Variants in ARHGAP22 observed in about 807,000 individuals in gnomAD.
ARHGAP22 encodes the protein Rho GTPase activating protein 22.
In ARHGAP22, 48 loss-of-function variants were observed where a neutral mutation model predicts 59.1. That is an observed-to-expected ratio of 0.81 (90% confidence interval 0.64 to 1.03). The LOEUF (loss-of-function observed/expected upper bound fraction) is 1.03. Ranked by LOEUF, ARHGAP22 falls within the 50% of genes least tolerant of loss-of-function variation. The probability of loss-of-function intolerance (pLI) is 0.00; values close to 1 mark genes in which losing one functional copy is unlikely to be tolerated. For synonymous variants in ARHGAP22, 445 were observed against 416.4 expected (o/e 1.07, Z -0.84); for missense variants, 1,015 against 958.7 (o/e 1.06, Z -0.78).
At chr10:48,526,026 A>C (rs2054292099) in intron 3 of ARHGAP22, among the ~76,000 whole-genome samples, 2 of 152,174 alleles carry the variant, frequency 1.3e-5, no homozygotes, top group African/African-American at 4.8e-5. Flanking sequence ...GTCACCCCCC[A>C]GTTCCTAGGA....
At chr10:48,647,178 A>C (rs116872985) in intron 1 of ARHGAP22, among the ~76,000 whole-genome samples, 5,752 of 152,264 alleles carry the variant, frequency 0.038, 150 homozygotes, top group Non-Finnish European at 0.061. Flanking sequence ...TGGATCACCT[A>C]AAGTCAGGAG....
intron 1 of ARHGAP22, among the ~76,000 whole-genome samples, chr10:48,619,179 T>C (rs2061197055): frequency 6.6e-6 from 1 of 152,010 alleles, no homozygotes; most frequent in African/African-American, 2.4e-5. Context: ...GAAACACTAA[T>C]GAAATAAATT....
At chr10:48,625,693 T>TACACAAACACACACAC (rs71465465) in intron 1 of ARHGAP22, among the ~76,000 whole-genome samples, 255 of 138,966 alleles carry the variant, frequency 1.8e-3, no homozygotes, top group South Asian at 5.0e-3. Flanking sequence ...CTGCAACGTG[T>TACACAAACACACACAC]ACACACACAC....
intron 3 of ARHGAP22, among the ~76,000 whole-genome samples, chr10:48,481,170 G>A (rs1180302319): frequency 6.6e-6 from 1 of 152,240 alleles, no homozygotes; most frequent in Non-Finnish European, 1.5e-5. Flanking sequence ...TGAGACAGTG[G>A]AGCCCAACCC....
At chr10:48,560,407 A>T (rs757850886) in intron 2 of ARHGAP22, among the ~76,000 whole-genome samples, 4 of 152,172 alleles carry the variant, frequency 2.6e-5, no homozygotes, top group Non-Finnish European at 4.4e-5. Flanking sequence ...AGATTTTTGC[A>T]GGCTTCATCA....
Position 48,484,170 on chromosome 10 carries a change from T to C in ARHGAP22, c.323-4406A>G, listed in dbSNP as rs117743079. ...CCCCAGTGTATGTTCTTGGCACCTG[T>C]GTGGAAAATTGGTTGGCTGCTGAGC... On this transcript the variant is annotated intron_variant, in intron 3 of 9. Coordinates refer to ENST00000249601, the MANE Select transcript of ARHGAP22 (RefSeq NM_021226.4). Among the ~76,000 whole-genome samples, 631 of 152,356 alleles carry C rather than the reference T, an allele frequency of 4.1e-3. 8 individuals are homozygous for C. The highest frequency in any genetic ancestry group is 0.025 in the South Asian group (119 of 4,826).
At position 48,537,160 on chromosome 10, in the gene ARHGAP22, A is replaced by G. The variant is rs561902465; in HGVS notation, c.322+18303T>C. Among the ~76,000 whole-genome samples, 153 of 152,346 alleles carry G rather than the reference A, an allele frequency of 1.0e-3. 1 individual carries two copies. The highest frequency in any genetic ancestry group is 3.4e-3 in the African/African-American group (140 of 41,582). Reference sequence around the variant, plus strand: ...AATTTTTAAAAAATGAAAAGAAAGAAATCCTTCTGGTTTCCACATTCCTTC... The same window carrying G: ...AATTTTTAAAAAATGAAAAGAAAGAGATCCTTCTGGTTTCCACATTCCTTC... On this transcript the variant is annotated intron_variant, in intron 3 of 9. Coordinates refer to ENST00000249601, the MANE Select transcript of ARHGAP22 (RefSeq NM_021226.4).
chr10:48,538,623 T>C (rs2055602527), intron 3 of ARHGAP22, among the ~76,000 whole-genome samples: 1 of 152,252 alleles, frequency 6.6e-6, no homozygotes. Flanking sequence ...ACTATTAGTA[T>C]TTTTGTGACA....
intron 5 of ARHGAP22, among the ~76,000 whole-genome samples, chr10:48,456,766 A>C: frequency 6.7e-6 from 1 of 149,824 alleles, no homozygotes; most frequent in Non-Finnish European, 1.5e-5. Flanking sequence ...GCCCTGCCTG[A>C]CCCCCTATCC....
At chr10:48,621,799 T>C (rs976947313) in intron 1 of ARHGAP22, among the ~76,000 whole-genome samples, 3 of 152,266 alleles carry the variant, frequency 2.0e-5, no homozygotes, top group African/African-American at 7.2e-5. Flanking sequence ...TAAGTCTTTC[T>C]GGTTTTGCTT....
intron 3 of ARHGAP22, among the ~76,000 whole-genome samples, chr10:48,523,072 T>C (rs1304717705): frequency 6.6e-6 from 1 of 152,266 alleles, no homozygotes; most frequent in African/African-American, 2.4e-5. Context: ...TGACCTTTTC[T>C]GTATCTGGAT....
intron 3 of ARHGAP22, among the ~76,000 whole-genome samples, chr10:48,519,977 C>T (rs2053653293): frequency 6.6e-6 from 1 of 152,170 alleles, no homozygotes; most frequent in Non-Finnish European, 1.5e-5. Flanking sequence ...GGATGGCCAG[C>T]CAGGAAGCAG....
In ARHGAP22 at chr10:48,647,831, T is replaced by C. The variant is rs79959445; in HGVS notation, c.52+4403A>G. 6.3e-3 allele frequency among the ~76,000 whole-genome samples: 963 copies of C among 152,294 alleles called. 5 individuals carry two copies. Among genetic ancestry groups the C allele is most frequent in the Non-Finnish European group, 8.8e-3 (601 of 68,016 alleles). ...AGCGGAGAAACACAATGTGCATCCC[T>C]ACAAGGGAGTATTACTCAGCTACAA... On this transcript the variant is annotated intron_variant, in intron 1 of 9. Coordinates refer to the ARHGAP22 transcript ENST00000435790.
chr10:48,436,183 A>G, the ARHGAP22 span: 1 of 152,228 alleles, frequency 6.6e-6, no homozygotes, highest in Non-Finnish European at 1.5e-5. Flanking sequence ...ACAGCCATAT[A>G]TAGGATATCA....
chr10:48,653,498 G>A (rs1057072254), upstream of ARHGAP22, among the ~76,000 whole-genome samples: 4 of 152,270 alleles, frequency 2.6e-5, no homozygotes, highest in Non-Finnish European at 5.9e-5. Context: ...GTTCTCAGAA[G>A]GGAGCGCTGG....
chr10:48,436,160 A>G, the ARHGAP22 span: 1 of 152,248 alleles, frequency 6.6e-6, no homozygotes, highest in Non-Finnish European at 1.5e-5. Context: ...CGTTCATCTG[A>G]AAATAGTAGC....
intron 3 of ARHGAP22, among the ~76,000 whole-genome samples, chr10:48,508,928 C>T (rs994190572): frequency 6.6e-6 from 1 of 152,354 alleles, no homozygotes; most frequent in South Asian, 2.1e-4. Context: ...CTTGTGGGTA[C>T]CACTGGGGCA....
Position 48,537,950 on chromosome 10 carries a change from G to A in ARHGAP22, c.322+17513C>T, listed in dbSNP as rs371627989. On this transcript the variant is annotated intron_variant, in intron 3 of 9. Coordinates refer to ENST00000249601, the MANE Select transcript of ARHGAP22 (RefSeq NM_021226.4). ...GTGGACTGGATTCCAAGACTAGTGA[G>A]CATGGGCCCTGCTGCGGAGGGCCAG... Among the ~76,000 whole-genome samples, 98 of 152,326 alleles carry A rather than the reference G, an allele frequency of 6.4e-4. No individual in the cohort carries two copies. In the South Asian group the frequency reaches 9.9e-3, roughly 15 times the overall value.
At chr10:48,440,057 GTT>G in the ARHGAP22 span, among the ~76,000 whole-genome samples, 1 of 151,802 alleles carries the variant, frequency 6.6e-6, no homozygotes, top group Non-Finnish European at 1.5e-5. Context: ...GAATAAACTT[GTT>G]TTTACTTTTT....
Sources: allele counts gnomAD v4.1 joint callset (sites outside exome capture counted in the v4.1 genomes callset), GRCh38; gene constraint gnomAD v4.1.1; transcripts MANE v1.5; gene names NCBI Gene and HGNC (gene_info 2026-07-23, HGNC 2026-07-21).